The following MYOM1 variants were observed in gnomAD, a reference collection of about 807,000 sequenced individuals.
The protein encoded by MYOM1 is myomesin 1, also known as myomesin-1.
Under a neutral mutation model 205.3 loss-of-function variants are expected in MYOM1, and 164 were observed. The observed-to-expected ratio is 0.80, with a 90% CI of 0.70 to 0.91. The LOEUF (loss-of-function observed/expected upper bound fraction) is 0.91, where lower values mean the gene tolerates loss of function less well. MYOM1 is among the 40% of genes least tolerant of loss of function. The pLI is 0.00. For synonymous variants in MYOM1, 772 were observed against 789.4 expected (o/e 0.98, Z 0.37); for missense variants, 2,011 against 2,127.3 (o/e 0.95, Z 1.08).
intron 29 of MYOM1, among the ~76,000 whole-genome samples, chr18:3,086,989 T>A (rs2143696507): frequency 6.6e-6 from 1 of 152,342 alleles, no homozygotes; most frequent in Middle Eastern, 3.4e-3. Context: ...GGTTTTAAAA[T>A]GTGAAACAAT....
intron 5 of MYOM1, among the ~76,000 whole-genome samples, chr18:3,185,929 C>T (rs1165776190): frequency 6.6e-6 from 1 of 152,194 alleles, no homozygotes; most frequent in Non-Finnish European, 1.5e-5. Context: ...GGAGCGCTGG[C>T]TCACTCCGGT....
intron 17 of MYOM1, among the ~76,000 whole-genome samples, chr18:3,130,118 C>T (rs896707017): frequency 3.3e-5 from 5 of 151,786 alleles, no homozygotes; most frequent in Admixed American, 6.6e-5. Flanking sequence ...TCTCGGCTCA[C>T]TGCAACCTCC....
At position 3,135,489 on chromosome 18, in the gene MYOM1, T is replaced by C. The variant is rs538417006; in HGVS notation, c.2209+58A>G. The stretch of plus-strand genomic sequence containing the variant: ...TTTTACTCCTGGCCAAATATACATA[T>C]ACTAGATCCTTGCTTTGAAATTTTC... On this transcript the variant is annotated intron_variant, in intron 15 of 37. Coordinates refer to ENST00000356443, the MANE Select transcript of MYOM1 (RefSeq NM_003803.4). The surrounding 1 kb of genome is among the most constrained non-coding windows in gnomAD (Gnocchi z 4.1). The C allele has an allele frequency of 2.6e-6, 4 of 1,518,642 alleles. No individual in the cohort carries two copies. The highest frequency in any genetic ancestry group is 2.7e-6 in the Non-Finnish European group (3 of 1,116,188). 94.1% of individuals were successfully genotyped at this position (1,518,642 alleles called of 1,614,324 possible). A position where few individuals can be genotyped will look rare whatever the true frequency, so the allele number is the denominator to read the frequency against.
At chr18:3,186,342 A>G (rs1198147337) in intron 5 of MYOM1, among the ~76,000 whole-genome samples, 1 of 152,234 alleles carries the variant, frequency 6.6e-6, no homozygotes, top group Non-Finnish European at 1.5e-5. Context: ...GGTGACAGTG[A>G]CATTCATGTA....
chr18:3,243,523 C>T, the MYOM1 span, among the ~76,000 whole-genome samples: 4 of 152,266 alleles, frequency 2.6e-5, no homozygotes, highest in East Asian at 3.9e-4. Flanking sequence ...ATATGGGCTT[C>T]GGGCTGGGCC....
At chr18:3,198,548 G>A (rs1020196658) in intron 2 of MYOM1, among the ~76,000 whole-genome samples, 2 of 152,184 alleles carry the variant, frequency 1.3e-5, no homozygotes, top group Non-Finnish European at 2.9e-5. Context: ...CACTTTGGGA[G>A]GCCGAGGTGG....
At chr18:3,171,169 A>G (rs9964123) in intron 8 of MYOM1, among the ~76,000 whole-genome samples, 58,234 of 152,102 alleles carry the variant, frequency 0.38, 11,278 homozygotes, top group South Asian at 0.42. Context: ...GCTCTTGGCC[A>G]ATACATTGTA....
chr18:3,194,963 A>C (rs1450210161), intron 2 of MYOM1, among the ~76,000 whole-genome samples: 2 of 152,178 alleles, frequency 1.3e-5, no homozygotes, highest in Non-Finnish European at 2.9e-5. Flanking sequence ...AGAATCTCTA[A>C]AGACAAGGTG....
At chr18:3,086,216 T>A (rs1431300978) in intron 29 of MYOM1, 65 bp from the exon 30 acceptor site, 23 of 911,320 alleles carry the variant, frequency 2.5e-5, no homozygotes, top group Non-Finnish European at 3.8e-5. Context: ...AGTTGAATAG[T>A]TCTTAATGCA....
intron 5 of MYOM1, among the ~76,000 whole-genome samples, chr18:3,178,659 C>A (rs1330271827): frequency 6.6e-6 from 1 of 152,166 alleles, no homozygotes; most frequent in African/African-American, 2.4e-5. Context: ...ATAACAGAAC[C>A]CGAACTCATC....
chr18:3,167,157 T>C (rs948059314), intron 9 of MYOM1, among the ~76,000 whole-genome samples: 1 of 152,198 alleles, frequency 6.6e-6, no homozygotes, highest in Non-Finnish European at 1.5e-5. Flanking sequence ...TTAGACCTAA[T>C]ACAGACAATA....
chr18:3,093,143 T>G (rs1338613650), intron 26 of MYOM1, among the ~76,000 whole-genome samples: 8 of 152,130 alleles, frequency 5.3e-5, no homozygotes, highest in Admixed American at 3.3e-4. Flanking sequence ...TACTGCATAC[T>G]CTCCTAATAT....
chr18:3,103,643 A>C (rs1177436687), intron 22 of MYOM1, among the ~76,000 whole-genome samples: 3 of 152,198 alleles, frequency 2.0e-5, no homozygotes, highest in African/African-American at 7.2e-5. Flanking sequence ...TATTTTTTTA[A>C]AAAGCATAAA....
the MYOM1 span, among the ~76,000 whole-genome samples, chr18:3,234,131 T>C: frequency 6.6e-6 from 1 of 152,194 alleles, no homozygotes; most frequent in South Asian, 2.1e-4. Context: ...TGAGAGATAA[T>C]GTGAATAAAA....
the MYOM1 span, among the ~76,000 whole-genome samples, chr18:3,241,700 G>A: frequency 1.3e-5 from 2 of 152,222 alleles, no homozygotes; most frequent in African/African-American, 4.8e-5. Context: ...ACCACAGAGT[G>A]ATGGATACAC....
the MYOM1 span, among the ~76,000 whole-genome samples, chr18:3,232,589 C>G: frequency 6.6e-6 from 1 of 152,054 alleles, no homozygotes; most frequent in East Asian, 1.9e-4. Context: ...TCACTTGGTA[C>G]AGTTTAAATA....
intron 29 of MYOM1, among the ~76,000 whole-genome samples, chr18:3,088,044 G>A (rs1302915265): frequency 6.6e-6 from 1 of 152,180 alleles, no homozygotes; most frequent in East Asian, 1.9e-4. Context: ...CTGAAAGAAC[G>A]TCATTCCAGG....
Position 3,067,411 on chromosome 18 carries a change from T to C in MYOM1, c.4909A>G (p.Ser1637Gly). Reference protein sequence around the residue: ...RTAYFTINGVSTADSGKYGLV... With the variant: ...RTAYFTINGVGTADSGKYGLV... ...CCGTATTTGCCCGAGTCAGCGGTGC[T>C]CACGCCGTTGATGGTGAAGTACGCG... is the stretch of plus-strand genomic sequence containing the variant. Residue 1637 changes from serine (S) to glycine (G), a missense_variant, in exon 38 of 38, where the codon AGC (serine) becomes GGC (glycine). Coordinates refer to ENST00000356443, the MANE Select transcript of MYOM1 (RefSeq NM_003803.4). 6.2e-7 allele frequency: 1 copy of C among 1,613,500 alleles called. No homozygotes were observed. The highest frequency in any genetic ancestry group is 8.5e-7 in the Non-Finnish European group (1 of 1,179,906).
intron 5 of MYOM1, among the ~76,000 whole-genome samples, chr18:3,186,145 G>A (rs528849616): frequency 6.6e-6 from 1 of 152,096 alleles, no homozygotes; most frequent in African/African-American, 2.4e-5. Flanking sequence ...GCAGTGAGCT[G>A]AGATTACATC....
Sources: gnomAD v4.1 joint callset for allele counts (sites outside exome capture counted in the v4.1 genomes callset) on GRCh38, gnomAD v4.1.1 for gene constraint, Gnocchi (gnomAD v3.1) non-coding constraint, MANE v1.5 for transcripts, NCBI Gene and HGNC (gene_info 2026-07-23, HGNC 2026-07-21) for gene names.